Variants in MBP observed in about 807,000 individuals in gnomAD.
The protein encoded by MBP is myelin basic protein.
Under a neutral mutation model 35.8 loss-of-function variants are expected in MBP, and 16 were observed. The observed-to-expected ratio is 0.45, with a 90% CI of 0.30 to 0.68. MBP has a LOEUF of 0.68. Ranked by LOEUF, MBP falls within the 30% of genes least tolerant of loss-of-function variation. MBP has a pLI of 0.08. For synonymous variants in MBP, 143 were observed against 159.6 expected (o/e 0.90, Z 0.78); for missense variants, 380 against 404.7 (o/e 0.94, Z 0.52).
intron 1 of MBP, chr18:77,114,135 A>G (rs1464862986): frequency 1.3e-5 from 2 of 152,258 alleles, no homozygotes; most frequent in South Asian, 2.1e-4. Context: ...TATTATTTGT[A>G]AGCTAGTCAT....
At chr18:77,028,933 G>GGGAT (rs1272294164) in intron 3 of MBP, among the ~76,000 whole-genome samples, 7 of 90,834 alleles carry the variant, frequency 7.7e-5, no homozygotes, top group South Asian at 4.2e-4. Flanking sequence ...TTTCCAGACT[G>GGGAT]GGCAGCCAGG....
chr18:77,131,838 G>A lies in MBP; in HGVS notation c.-26+742C>T, dbSNP rs1977283920. Reference sequence around the variant, plus strand: ...AGGGGACTGCCGGGAAGACCCGGGCGGGCCGGCGGGCGGCTGCGGGCGGCG... The same window carrying A: ...AGGGGACTGCCGGGAAGACCCGGGCAGGCCGGCGGGCGGCTGCGGGCGGCG... On this transcript the variant is annotated intron_variant, in intron 1 of 8. Transcript: ENST00000355994. The surrounding 1 kb of genome is among the most constrained non-coding windows in gnomAD (Gnocchi z 5.5). Among the ~76,000 whole-genome samples the A allele has an allele frequency of 6.6e-6, 1 of 152,078 alleles. No homozygotes were observed. Among genetic ancestry groups the A allele is most frequent in the Non-Finnish European group, 1.5e-5 (1 of 67,972 alleles).
At chr18:77,026,470 T>C (rs1972229747) in intron 3 of MBP, among the ~76,000 whole-genome samples, 2 of 152,216 alleles carry the variant, frequency 1.3e-5, no homozygotes. Context: ...AATTTAACTA[T>C]AACACGGTGG....
chr18:77,117,059 C>A (rs1262246532), intron 1 of MBP, among the ~76,000 whole-genome samples: 2 of 152,152 alleles, frequency 1.3e-5, no homozygotes, highest in African/African-American at 4.8e-5. Flanking sequence ...ACGGAAAAGA[C>A]CTCCTTCAAA....
intron 2 of MBP, chr18:77,067,730 T>TGG: frequency 2.2e-6 from 1 of 456,312 alleles, no homozygotes; most frequent in Non-Finnish European, 4.4e-6. Flanking sequence ...GTCTCTGCAC[T>TGG]TAAGTTTGTA....
intron 3 of MBP, among the ~76,000 whole-genome samples, chr18:77,034,215 A>T (rs1972665545): frequency 6.6e-6 from 1 of 152,130 alleles, no homozygotes; most frequent in South Asian, 2.1e-4. Context: ...AGAGGGGACC[A>T]TGTGCATGTC....
intron 3 of MBP, among the ~76,000 whole-genome samples, chr18:77,022,866 T>TA (rs1401312409): frequency 6.6e-6 from 1 of 152,202 alleles, no homozygotes; most frequent in African/African-American, 2.4e-5. Flanking sequence ...GCGTTTTTGG[T>TA]AGGGGCGAGT....
chr18:77,054,074 C>T (rs1973625990), intron 3 of MBP, among the ~76,000 whole-genome samples: 1 of 152,238 alleles, frequency 6.6e-6, no homozygotes, highest in African/African-American at 2.4e-5. Flanking sequence ...CTGCAGGGTG[C>T]TTGGCCCTTG....
intron 3 of MBP, among the ~76,000 whole-genome samples, chr18:77,031,599 T>C (rs1433655304): frequency 6.6e-6 from 1 of 152,270 alleles, no homozygotes; most frequent in African/African-American, 2.4e-5. Context: ...AGTGAGCTCC[T>C]TGATGTCTTT....
chr18:76,984,965 T>C (rs1969455500), intron 7 of MBP, 71 bp from the exon 8 acceptor site: 1 of 1,593,832 alleles, frequency 6.3e-7, no homozygotes, highest in Non-Finnish European at 8.5e-7. Context: ...CACTGGGAGC[T>C]GCCACCAGGG....
At chr18:77,126,554 A>C (rs2145248312) in intron 1 of MBP, among the ~76,000 whole-genome samples, 1 of 152,344 alleles carries the variant, frequency 6.6e-6, no homozygotes, top group African/African-American at 2.4e-5. Flanking sequence ...GATAAGAAAA[A>C]GAAATAAAAA....
rs1424144115 is a variant in MBP at position 76,980,179 on chromosome 18, G to A, written c.*248C>T. On this transcript the variant is annotated 3_prime_UTR_variant, in exon 9 of 9. Transcript: ENST00000355994. ...CACGTGCGTCTGGGGGCACATTGCG[G>A]GGGAAGGAACGTGATCTTCACACAG... 7 of 635,936 alleles carry A rather than the reference G, an allele frequency of 1.1e-5. No individual in the cohort carries two copies. The highest frequency in any genetic ancestry group is 2.0e-5 in the Non-Finnish European group (7 of 355,396). 39.4% of individuals were successfully genotyped at this position (635,936 alleles called of 1,614,324 possible). A position where few individuals can be genotyped will look rare whatever the true frequency, so the allele number is the denominator to read the frequency against.
intron 1 of MBP, chr18:77,114,776 A>G (rs57586352): frequency 0.049 from 7,408 of 152,398 alleles, 403 homozygotes; most frequent in East Asian, 0.2. Flanking sequence ...TCACAGGAGC[A>G]TAGGTCAGGT....
At chr18:77,005,658 C>T (rs555316479) in intron 4 of MBP, 1 of 152,424 alleles carries the variant, frequency 6.6e-6, no homozygotes, top group African/African-American at 2.4e-5. Context: ...GTTCACCGCT[C>T]GGATTTTCAT....
At position 76,988,313 on chromosome 18, in the gene MBP, A is replaced by G; in HGVS notation, c.750+182T>C. The G allele has an allele frequency of 6.4e-7, 1 of 1,569,592 alleles. No homozygotes were observed. The highest frequency in any genetic ancestry group is 8.6e-7 in the Non-Finnish European group (1 of 1,157,022). On this transcript the variant is annotated intron_variant, in intron 7 of 8. Transcript: ENST00000355994. This position sits in a 1 kb window ranked among gnomAD's most constrained non-coding sequence, Gnocchi z 5.2. The stretch of plus-strand genomic sequence containing the variant: ...AAGAGACCAGACCTTCCGGAAGGGA[A>G]GACCACGTTTCATTTCCCCAGTGGA...
intron 4 of MBP, among the ~76,000 whole-genome samples, chr18:76,994,070 C>T (rs1052009224): frequency 1.3e-5 from 2 of 152,196 alleles, no homozygotes; most frequent in African/African-American, 2.4e-5. Flanking sequence ...CAGCCTTGTA[C>T]GTTCTTCTCC....
intron 1 of MBP, chr18:77,108,316 G>T (rs1976342169): frequency 6.6e-6 from 1 of 152,220 alleles, no homozygotes; most frequent in African/African-American, 2.4e-5. Context: ...TAATCAAATT[G>T]AGAGAGCCAG....
chr18:77,007,345 C>T (rs1039997281), intron 4 of MBP, among the ~76,000 whole-genome samples: 4 of 152,210 alleles, frequency 2.6e-5, no homozygotes, highest in African/African-American at 7.2e-5. Context: ...ATGCAAATGG[C>T]GTGGGATTGC....
chr18:77,068,404 G>A (rs1411189980), intron 2 of MBP, among the ~76,000 whole-genome samples: 1 of 122,332 alleles, frequency 8.2e-6, no homozygotes, highest in South Asian at 2.8e-4. Context: ...CAGATGACGA[G>A]GAAGTCCCGT....
Sources: allele counts gnomAD v4.1 joint callset (sites outside exome capture counted in the v4.1 genomes callset), GRCh38; gene constraint gnomAD v4.1.1; non-coding constraint Gnocchi (gnomAD v3.1); transcripts MANE v1.5; gene names NCBI Gene and HGNC (gene_info 2026-07-23, HGNC 2026-07-21).